The following TEX36 variants were observed in gnomAD, a reference collection of about 807,000 sequenced individuals.
TEX36 encodes the protein testis-expressed protein 36.
A neutral mutation model predicts 13.6 loss-of-function variants in TEX36; 12 were observed. The observed-to-expected ratio is 0.88, with a 90% CI of 0.56 to 1.43. The LOEUF (loss-of-function observed/expected upper bound fraction) is 1.43. Among genes scored for constraint, TEX36 ranks in the 40% most tolerant of loss-of-function variants. TEX36 has a pLI of 0.00. For synonymous variants in TEX36, 93 were observed against 83.0 expected, an observed-to-expected ratio of 1.12 and a Z score of -0.65; for missense variants, 224 against 228.3, an observed-to-expected ratio of 0.98 and a Z score of 0.12.
At chr10:125,620,290 T>C (rs561785115), downstream of TEX36, among the ~76,000 whole-genome samples, 1 of 152,344 alleles carries the variant, frequency 6.6e-6, no homozygotes, top group East Asian at 1.9e-4. Flanking sequence ...ATAAAAATCT[T>C]CGCTCATTTT....
downstream of TEX36, among the ~76,000 whole-genome samples, chr10:125,620,027 C>T (rs774969528): frequency 1.3e-5 from 2 of 152,020 alleles, no homozygotes; most frequent in Non-Finnish European, 2.9e-5. Flanking sequence ...CCTAAGCATT[C>T]TCTATTTTGC....
downstream of TEX36, among the ~76,000 whole-genome samples, chr10:125,618,305 T>G (rs923048655): frequency 6.6e-6 from 1 of 152,224 alleles, no homozygotes; most frequent in Non-Finnish European, 1.5e-5. Flanking sequence ...TCATTCTCCA[T>G]CCAGCTTTGT....
intron 3 of TEX36, among the ~76,000 whole-genome samples, chr10:125,637,127 C>A (rs1317212749): frequency 2.6e-5 from 4 of 151,866 alleles, no homozygotes; most frequent in Non-Finnish European, 5.9e-5. Context: ...CATGGCAAGA[C>A]CCCATCTCTA....
intron 3 of TEX36, among the ~76,000 whole-genome samples, chr10:125,582,784 T>A (rs1473453120): frequency 2.6e-5 from 4 of 152,152 alleles, no homozygotes; most frequent in Admixed American, 6.5e-5. Flanking sequence ...TTGGTTTTTT[T>A]AAAAAAGCAA....
intron 3 of TEX36, among the ~76,000 whole-genome samples, chr10:125,601,056 A>G (rs1201809046): frequency 6.6e-6 from 1 of 152,218 alleles, no homozygotes; most frequent in Non-Finnish European, 1.5e-5. Context: ...GTGTTGATTC[A>G]ATTTTGCTCT....
At chr10:125,583,160 T>C (rs1268458587) in intron 3 of TEX36, among the ~76,000 whole-genome samples, 1 of 152,234 alleles carries the variant, frequency 6.6e-6, no homozygotes, top group Admixed American at 6.5e-5. Context: ...AGGAACTAAA[T>C]TGAAGTTTAC....
At chr10:125,627,702 C>G (rs1408567660) in intron 3 of TEX36, among the ~76,000 whole-genome samples, 1 of 152,168 alleles carries the variant, frequency 6.6e-6, no homozygotes, top group African/African-American at 2.4e-5. Flanking sequence ...ATAATGCCAT[C>G]GCATTGTACA....
chr10:125,588,085 T>G (rs1446498584), intron 3 of TEX36, among the ~76,000 whole-genome samples: 1 of 152,228 alleles, frequency 6.6e-6, no homozygotes, highest in Non-Finnish European at 1.5e-5. Context: ...AGCGGTAACT[T>G]TGTAAATATA....
chr10:125,617,144 T>C (rs1158146231), downstream of TEX36, among the ~76,000 whole-genome samples: 2 of 151,934 alleles, frequency 1.3e-5, no homozygotes, highest in Non-Finnish European at 2.9e-5. Context: ...GCTTGGTAGA[T>C]CTTCCTCCAT....
intron 3 of TEX36, among the ~76,000 whole-genome samples, chr10:125,615,371 G>A (rs1004653587): frequency 3.3e-5 from 5 of 152,270 alleles, no homozygotes; most frequent in East Asian, 1.9e-4. Flanking sequence ...AGTTTTCAAA[G>A]GGAATACTTC....
At chr10:125,636,517 C>G (rs1476185267) in intron 3 of TEX36, among the ~76,000 whole-genome samples, 1 of 152,136 alleles carries the variant, frequency 6.6e-6, no homozygotes. Flanking sequence ...CCCAGCCTTG[C>G]TGAACTATTT....
chr10:125,679,896 C>T (rs553671182), intron 1 of TEX36, among the ~76,000 whole-genome samples: 4 of 152,268 alleles, frequency 2.6e-5, no homozygotes, highest in South Asian at 2.1e-4. Flanking sequence ...TGCTTCCTGT[C>T]GCACTCCCCA....
At chr10:125,625,798 TGGC>T (rs1846481120) in intron 3 of TEX36, among the ~76,000 whole-genome samples, 1 of 152,244 alleles carries the variant, frequency 6.6e-6, no homozygotes. Context: ...GCCACTTTCG[TGGC>T]AAATACTTTC....
intron 3 of TEX36, among the ~76,000 whole-genome samples, chr10:125,649,696 A>ACTGG (rs1201633895): frequency 6.6e-6 from 1 of 152,246 alleles, no homozygotes; most frequent in Admixed American, 6.5e-5. Flanking sequence ...AAAGACACAG[A>ACTGG]CTGGCAAATT....
chr10:125,608,387 T>C (rs1314790679), intron 3 of TEX36, among the ~76,000 whole-genome samples: 5 of 152,168 alleles, frequency 3.3e-5, no homozygotes, highest in Admixed American at 2.6e-4. Flanking sequence ...AAACTGACTG[T>C]TACAATTAAA....
chr10:125,593,787 G>T (rs1401117348), intron 3 of TEX36, among the ~76,000 whole-genome samples: 5 of 152,182 alleles, frequency 3.3e-5, no homozygotes, highest in Non-Finnish European at 7.4e-5. Context: ...CGTGTTTGAT[G>T]GGCACAGAGT....
chr10:125,618,866 G>T (rs982166083), downstream of TEX36, among the ~76,000 whole-genome samples: 8 of 150,120 alleles, frequency 5.3e-5, no homozygotes, highest in Non-Finnish European at 1.2e-4. Context: ...TAGCACTTTG[G>T]GAGGCCGAGG....
At chr10:125,644,395 G>A (rs770265282) in intron 3 of TEX36, among the ~76,000 whole-genome samples, 6 of 151,024 alleles carry the variant, frequency 4.0e-5, no homozygotes, top group Middle Eastern at 3.4e-3. Context: ...AGATATAATT[G>A]AAAAAAAATT....
intron 3 of TEX36, among the ~76,000 whole-genome samples, chr10:125,590,218 A>G (rs1455245570): frequency 6.6e-6 from 1 of 151,984 alleles, no homozygotes; most frequent in African/African-American, 2.4e-5. Flanking sequence ...GGGCTCAAGC[A>G]ATTCTCCCAC....
Sources: gnomAD v4.1 joint callset for allele counts (sites outside exome capture counted in the v4.1 genomes callset) on GRCh38, gnomAD v4.1.1 for gene constraint, MANE v1.5 for transcripts, NCBI Gene and HGNC (gene_info 2026-07-23, HGNC 2026-07-21) for gene names.